Variants in SNX18 observed in about 807,000 individuals in gnomAD.
The protein encoded by SNX18 is sorting nexin-18.
In SNX18, 35 loss-of-function variants were observed where a neutral mutation model predicts 48.7. The ratio of observed to expected loss-of-function variants is 0.72; its 90% CI spans 0.55 to 0.95. The LOEUF is 0.95. Among genes scored for constraint, SNX18 ranks in the 40% least tolerant of loss-of-function variants. SNX18 has a pLI of 0.00. For synonymous variants in SNX18, 492 were observed against 384.7 expected, an observed-to-expected ratio of 1.28 and a Z score of -3.26; for missense variants, 824 against 871.0, an observed-to-expected ratio of 0.95 and a Z score of 0.68.
At chr5:54,632,206 T>A in the SNX18 span, among the ~76,000 whole-genome samples, 1 of 152,236 alleles carries the variant, frequency 6.6e-6, no homozygotes, top group Non-Finnish European at 1.5e-5. Context: ...CTGGCTCCCC[T>A]GCTACCTCTT....
At chr5:54,602,465 T>C in the SNX18 span, among the ~76,000 whole-genome samples, 2 of 152,090 alleles carry the variant, frequency 1.3e-5, no homozygotes. Flanking sequence ...TGTTTCTAAG[T>C]AGCAGGAACT....
intron 1 of SNX18, among the ~76,000 whole-genome samples, chr5:54,537,772 A>G (rs1762384606): frequency 6.6e-6 from 1 of 152,180 alleles, no homozygotes; most frequent in Admixed American, 6.5e-5. Flanking sequence ...CATCATGAAA[A>G]ATGTGTAGTC....
the SNX18 span, among the ~76,000 whole-genome samples, chr5:54,604,997 A>T: frequency 2.6e-5 from 4 of 152,212 alleles, no homozygotes; most frequent in African/African-American, 9.6e-5. Context: ...ACCTGAAGGT[A>T]GACACAGGCT....
intron 1 of SNX18, among the ~76,000 whole-genome samples, chr5:54,534,476 T>G (rs2112851047): frequency 6.6e-6 from 1 of 152,000 alleles, no homozygotes; most frequent in South Asian, 2.1e-4. Flanking sequence ...GGGAAAACGG[T>G]AAGGAGGCCA....
At chr5:54,622,161 G>A in the SNX18 span, among the ~76,000 whole-genome samples, 2 of 152,206 alleles carry the variant, frequency 1.3e-5, no homozygotes, top group African/African-American at 4.8e-5. Context: ...GGAGGAAAAT[G>A]TTAGAAATGC....
At chr5:54,525,367 C>G (rs1762111795) in intron 1 of SNX18, among the ~76,000 whole-genome samples, 1 of 145,386 alleles carries the variant, frequency 6.9e-6, no homozygotes, top group Non-Finnish European at 1.5e-5. Flanking sequence ...ACAGTGAGAC[C>G]TTGTCTCTTT....
the SNX18 span, among the ~76,000 whole-genome samples, chr5:54,572,550 C>T: frequency 1.3e-5 from 2 of 151,772 alleles, no homozygotes; most frequent in Admixed American, 1.3e-4. Flanking sequence ...GGTGTAGTGA[C>T]CTGCAGCCTC....
At chr5:54,627,781 T>G in the SNX18 span, among the ~76,000 whole-genome samples, 1 of 152,162 alleles carries the variant, frequency 6.6e-6, no homozygotes, top group Admixed American at 6.5e-5. Flanking sequence ...GGCCAAGCCA[T>G]GCTCCCTAGG....
downstream of SNX18, among the ~76,000 whole-genome samples, chr5:54,548,518 C>A (rs2111633682): frequency 6.6e-6 from 1 of 152,342 alleles, no homozygotes; most frequent in African/African-American, 2.4e-5. Flanking sequence ...GGGTCAGATC[C>A]TAGTTGCTCC....
chr5:54,550,390 CA>C (rs1468843320), downstream of SNX18, among the ~76,000 whole-genome samples: 8 of 151,876 alleles, frequency 5.3e-5, no homozygotes, highest in East Asian at 1.4e-3. Context: ...GGTCTCATAA[CA>C]AATTTCTCAG....
chr5:54,613,303 G>A, the SNX18 span, among the ~76,000 whole-genome samples: 9 of 151,846 alleles, frequency 5.9e-5, no homozygotes, highest in African/African-American at 2.2e-4. Flanking sequence ...TAAAGATTGG[G>A]ACGTTCAAGG....
At chr5:54,565,478 T>A in the SNX18 span, among the ~76,000 whole-genome samples, 1 of 151,778 alleles carries the variant, frequency 6.6e-6, no homozygotes, top group Non-Finnish European at 1.5e-5. Flanking sequence ...GAGGTTGAGG[T>A]GGGAGGACCA....
chr5:54,633,829 A>G, the SNX18 span, among the ~76,000 whole-genome samples: 2 of 152,224 alleles, frequency 1.3e-5, no homozygotes, highest in African/African-American at 4.8e-5. Context: ...TTTAGAGTCA[A>G]CACATTTTTA....
At chr5:54,638,222 T>C in the SNX18 span, among the ~76,000 whole-genome samples, 5 of 152,226 alleles carry the variant, frequency 3.3e-5, no homozygotes, top group East Asian at 1.9e-4. Context: ...TTTTTAGATA[T>C]AGTTAATGGT....
At chr5:54,621,468 G>C in the SNX18 span, among the ~76,000 whole-genome samples, 1 of 152,208 alleles carries the variant, frequency 6.6e-6, no homozygotes, top group Admixed American at 6.5e-5. Flanking sequence ...AAGATTTGAG[G>C]CTAGTTTTCT....
Position 54,518,172 on chromosome 5 carries a change from GC to G in SNX18, c.224del (p.Pro75ArgfsTer151). The G allele has an allele frequency of 7.2e-7, 1 of 1,382,586 alleles. No individual in the cohort carries two copies. The highest frequency in any genetic ancestry group is 9.3e-7 in the Non-Finnish European group (1 of 1,075,848). The allele number at this position is 1,382,586 out of a possible 1,614,324, so 85.6% of individuals were successfully genotyped here. ...CCCGGCGGGAGACGGCGGCCCGGGC[GC>G]CCCGGCCCGCTACGCCAATGTGCCC... ...PGPAGDGGPG[A>X]PARYANVPPG... On this transcript the variant is annotated frameshift_variant, in exon 1 of 2. Coordinates refer to ENST00000381410, the MANE Select transcript of SNX18 (RefSeq NM_001102575.2). LOFTEE classifies it high-confidence loss of function.
chr5:54,610,800 C>T, the SNX18 span, among the ~76,000 whole-genome samples: 2 of 152,276 alleles, frequency 1.3e-5, no homozygotes, highest in Admixed American at 1.3e-4. Context: ...CTTGTTGCAG[C>T]CCTGGCTGAG....
the SNX18 span, among the ~76,000 whole-genome samples, chr5:54,610,833 G>A: frequency 6.5e-3 from 995 of 152,296 alleles, 7 homozygotes; most frequent in Non-Finnish European, 9.9e-3. Context: ...ATACAAGCTC[G>A]TTAAGAGCAC....
At chr5:54,520,073 C>T in intron 1 of SNX18, 1 of 438,486 alleles carries the variant, frequency 2.3e-6, no homozygotes, top group Non-Finnish European at 4.2e-6. Context: ...AAGATCAATT[C>T]TCTGAGTTTA....
Sources: gnomAD v4.1 joint callset for allele counts (sites outside exome capture counted in the v4.1 genomes callset) on GRCh38, gnomAD v4.1.1 for gene constraint, MANE v1.5 for transcripts, NCBI Gene and HGNC (gene_info 2026-07-23, HGNC 2026-07-21) for gene names.